NELL2: variants seen among roughly 807,000 people sequenced by gnomAD.
NELL2 encodes neural EGFL like 2.
NELL2 carries 41 observed loss-of-function variants against 109.6 expected under a neutral mutation model. That is an observed-to-expected ratio of 0.37 (90% CI 0.29 to 0.49). The LOEUF (loss-of-function observed/expected upper bound fraction) is 0.49. NELL2 is among the 20% of genes least tolerant of loss of function. The pLI is 0.98. For synonymous variants in NELL2, 355 were observed against 344.7 expected, an observed-to-expected ratio of 1.03 and a Z score of -0.33; for missense variants, 900 against 1,008.3, an observed-to-expected ratio of 0.89 and a Z score of 1.45.
chr12:44,795,151 C>T (rs934076269), intron 3 of NELL2, among the ~76,000 whole-genome samples: 3 of 152,106 alleles, frequency 2.0e-5, no homozygotes, highest in African/African-American at 7.2e-5. Context: ...TTGCACACAA[C>T]ATGAAATGAG....
intron 3 of NELL2, among the ~76,000 whole-genome samples, chr12:44,796,527 A>G (rs2136642187): frequency 6.6e-6 from 1 of 152,254 alleles, no homozygotes; most frequent in Non-Finnish European, 1.5e-5. Context: ...ATTCCAACAA[A>G]TATTTACTAT....
chr12:44,689,194 G>C (rs1340930566), intron 12 of NELL2, among the ~76,000 whole-genome samples: 1 of 152,032 alleles, frequency 6.6e-6, no homozygotes, highest in Non-Finnish European at 1.5e-5. Flanking sequence ...CATCCTCTGG[G>C]CCTTTTCCAT....
chr12:44,759,162 T>C (rs1437816826), intron 9 of NELL2, among the ~76,000 whole-genome samples: 1 of 152,210 alleles, frequency 6.6e-6, no homozygotes, highest in East Asian at 1.9e-4. Flanking sequence ...ATTCCTGCTT[T>C]CATCTTCATA....
chr12:44,746,827 A>G (rs10880663), intron 9 of NELL2, among the ~76,000 whole-genome samples: 21,848 of 152,192 alleles, frequency 0.14, 1,698 homozygotes, highest in East Asian at 0.24. Context: ...GTGGAGAAAT[A>G]GGAACACTTT....
Position 44,573,525 on chromosome 12 carries a change from A to G in NELL2, c.1663+33644T>C, listed in dbSNP as rs115566188. ...TTGAAAAGCAACAAAAAACCCACTAATAAATAGAAAATCACAGGCCTAAAG... is the reference window on the plus strand; with the variant it reads ...TTGAAAAGCAACAAAAAACCCACTAGTAAATAGAAAATCACAGGCCTAAAG... On this transcript the variant is annotated intron_variant, in intron 15 of 19. Transcript: ENST00000429094. 4.9e-3 allele frequency among the ~76,000 whole-genome samples: 750 copies of G among 152,342 alleles called. 7 individuals carry two copies. Among genetic ancestry groups the G allele is most frequent in the African/African-American group, 0.015 (641 of 41,582 alleles).
chr12:44,857,975 T>G (rs1944731006), intron 2 of NELL2, among the ~76,000 whole-genome samples: 1 of 152,132 alleles, frequency 6.6e-6, no homozygotes, highest in Non-Finnish European at 1.5e-5. Flanking sequence ...TCATCTGACT[T>G]TAGCTCCTAC....
intron 13 of NELL2, among the ~76,000 whole-genome samples, chr12:44,614,862 T>C (rs959229791): frequency 6.6e-6 from 1 of 152,096 alleles, no homozygotes; most frequent in African/African-American, 2.4e-5. Flanking sequence ...ACATAATCCA[T>C]GCTCTGTTCA....
chr12:44,802,044 A>G, intron 3 of NELL2, among the ~76,000 whole-genome samples: 1 of 152,080 alleles, frequency 6.6e-6, no homozygotes, highest in East Asian at 1.9e-4. Context: ...TCTTTATTTT[A>G]CATCACAAGG....
intron 9 of NELL2, among the ~76,000 whole-genome samples, chr12:44,755,201 C>CA (rs149044541): frequency 0.029 from 4,411 of 152,192 alleles, 217 homozygotes; most frequent in African/African-American, 0.099. Context: ...ATGGACTTCC[C>CA]AAAGGGTAGC....
At chr12:44,909,742 GACACACACACAC>G (rs71435995) in intron 1 of NELL2, among the ~76,000 whole-genome samples, 1 of 144,444 alleles carries the variant, frequency 6.9e-6, no homozygotes, top group Non-Finnish European at 1.5e-5. Flanking sequence ...CACAGACACA[GACACACACACAC>G]ACACACACAC....
chr12:44,858,107 G>T (rs1944735050), intron 2 of NELL2, among the ~76,000 whole-genome samples: 1 of 152,098 alleles, frequency 6.6e-6, no homozygotes, highest in African/African-American at 2.4e-5. Flanking sequence ...TAAATGTCAG[G>T]CATAGTTTTG....
At chr12:44,633,249 T>C (rs1234767153) in intron 13 of NELL2, among the ~76,000 whole-genome samples, 1 of 152,088 alleles carries the variant, frequency 6.6e-6, no homozygotes, top group South Asian at 2.1e-4. Flanking sequence ...GTGATTTCTA[T>C]GTGAGTAAAT....
intron 16 of NELL2, among the ~76,000 whole-genome samples, chr12:44,524,742 C>A (rs552700133): frequency 1.3e-5 from 2 of 151,484 alleles, no homozygotes; most frequent in African/African-American, 2.4e-5. Context: ...GATCAATAGC[C>A]GAAAAAGTGA....
intron 2 of NELL2, among the ~76,000 whole-genome samples, chr12:44,842,308 A>AT (rs1944253805): frequency 6.6e-6 from 1 of 152,298 alleles, no homozygotes; most frequent in East Asian, 1.9e-4. Flanking sequence ...TGTTCAATAG[A>AT]TTTTGACAAA....
intron 15 of NELL2, among the ~76,000 whole-genome samples, chr12:44,557,006 T>G (rs911729359): frequency 1.3e-5 from 2 of 152,124 alleles, no homozygotes; most frequent in African/African-American, 4.8e-5. Flanking sequence ...CTGAAAGCAA[T>G]GTGGAGATGA....
intron 13 of NELL2, among the ~76,000 whole-genome samples, chr12:44,642,263 C>A (rs977586834): frequency 3.3e-5 from 5 of 152,040 alleles, no homozygotes; most frequent in Non-Finnish European, 7.4e-5. Context: ...ATGTTGAAAA[C>A]ACTCATTAGG....
At chr12:44,581,348 T>C (rs1390009436) in intron 15 of NELL2, among the ~76,000 whole-genome samples, 3 of 152,176 alleles carry the variant, frequency 2.0e-5, no homozygotes, top group Non-Finnish European at 4.4e-5. Flanking sequence ...ACTTGGCAAA[T>C]AGAAGGCAGA....
chr12:44,710,025 C>T (rs1000472514), intron 11 of NELL2, among the ~76,000 whole-genome samples: 5 of 152,154 alleles, frequency 3.3e-5, no homozygotes, highest in Non-Finnish European at 7.3e-5. Flanking sequence ...GAAAGCTCCT[C>T]GAAAGGCAGA....
chr12:44,527,524 A>G (rs1941840620), intron 16 of NELL2, among the ~76,000 whole-genome samples: 1 of 152,214 alleles, frequency 6.6e-6, no homozygotes, highest in South Asian at 2.1e-4. Flanking sequence ...GTAACCTAAA[A>G]AGTAATGACA....
Sources: gnomAD v4.1 joint callset for allele counts (sites outside exome capture counted in the v4.1 genomes callset) on GRCh38, gnomAD v4.1.1 for gene constraint, MANE v1.5 for transcripts, NCBI Gene and HGNC (gene_info 2026-07-23, HGNC 2026-07-21) for gene names.